PZP: variants seen among roughly 807,000 people sequenced by gnomAD.
The protein encoded by PZP is PZP alpha-2-macroglobulin like, also known as pregnancy zone protein.
Under a neutral mutation model 179.8 loss-of-function variants are expected in PZP, and 150 were observed. The ratio of observed to expected loss-of-function variants is 0.83; its 90% CI spans 0.73 to 0.96. The LOEUF is 0.96. Ranked by LOEUF, PZP falls within the 40% of genes least tolerant of loss-of-function variation. The probability of loss-of-function intolerance (pLI) is 0.00; values close to 1 mark genes in which losing one functional copy is unlikely to be tolerated. For missense variants in PZP, 1,689 were observed against 1,764.0 expected (o/e 0.96, Z 0.76); for synonymous variants, 624 against 652.3 (o/e 0.96, Z 0.66).
At chr12:9,179,265 C>A (rs1942598697) in intron 15 of PZP, among the ~76,000 whole-genome samples, 1 of 152,122 alleles carries the variant, frequency 6.6e-6, no homozygotes, top group East Asian at 1.9e-4. Context: ...CAATTATTAA[C>A]CAATGTTCAC....
intron 29 of PZP, among the ~76,000 whole-genome samples, chr12:9,154,015 A>C (rs971405086): frequency 6.6e-6 from 1 of 152,356 alleles, no homozygotes; most frequent in South Asian, 2.1e-4. Flanking sequence ...AAAGGAATGA[A>C]GAAGCTGAGT....
chr12:9,189,023 C>T (rs747480520), intron 13 of PZP, among the ~76,000 whole-genome samples: 6 of 152,008 alleles, frequency 3.9e-5, no homozygotes, highest in Non-Finnish European at 5.9e-5. Context: ...AAAAAATATT[C>T]CATGCTCATA....
chr12:9,137,931 G>A, the PZP span, among the ~76,000 whole-genome samples: 1 of 151,964 alleles, frequency 6.6e-6, no homozygotes, highest in Non-Finnish European at 1.5e-5. Flanking sequence ...GAGCCTTTGG[G>A]ATTTTTAATA....
intron 15 of PZP, among the ~76,000 whole-genome samples, chr12:9,175,688 C>A (rs750579983): frequency 6.6e-6 from 1 of 152,100 alleles, no homozygotes; most frequent in Non-Finnish European, 1.5e-5. Context: ...TACATACAGC[C>A]AACAAACATA....
chr12:9,191,356 GA>G (rs1943445594), intron 13 of PZP, among the ~76,000 whole-genome samples: 1 of 151,908 alleles, frequency 6.6e-6, no homozygotes, highest in African/African-American at 2.4e-5. Context: ...CTAGTATTGG[GA>G]AAAAACTGAT....
intron 7 of PZP, among the ~76,000 whole-genome samples, chr12:9,198,201 A>G (rs1460199359): frequency 6.6e-6 from 1 of 151,666 alleles, no homozygotes; most frequent in African/African-American, 2.4e-5. Flanking sequence ...TTTTAAAAAG[A>G]TTAGCTGGGT....
At chr12:9,173,055 A>G (rs968970719) in intron 15 of PZP, among the ~76,000 whole-genome samples, 8 of 152,254 alleles carry the variant, frequency 5.3e-5, no homozygotes, top group African/African-American at 1.9e-4. Context: ...CATTTACTCT[A>G]AAATTGGACA....
At chr12:9,157,908 G>A in intron 26 of PZP, 67 bp from the exon 27 acceptor site, 1 of 1,289,212 alleles carries the variant, frequency 7.8e-7, no homozygotes, top group Non-Finnish European at 1.1e-6. Flanking sequence ...TCTGTTGTTT[G>A]ATGGAAACGC....
In PZP at chr12:9,181,088, A is replaced by G. The variant is rs1009877687; in HGVS notation, c.1734T>C (p.His578=). 1 of 1,614,176 alleles carries G rather than the reference A, an allele frequency of 6.2e-7. No homozygotes were observed. The highest frequency in any genetic ancestry group is 8.5e-7 in the Non-Finnish European group (1 of 1,180,014). ...GAGCAGCTGCTACTTGCAGGTGGGCATGTGAGGCTGGGGGACTTTGTGCTG... is the reference window on the plus strand; with the variant it reads ...GAGCAGCTGCTACTTGCAGGTGGGCGTGTGAGGCTGGGGGACTTTGTGCTG... ...FSPAQSPPAS[H]AHLQVAAAPQ... is the part of the protein sequence containing the mutation. Residue 578 remains histidine (H), a synonymous_variant, in exon 15 of 36, where the codon CAT becomes CAC. Coordinates refer to ENST00000261336, the MANE Select transcript of PZP (RefSeq NM_002864.3).
At position 9,158,429 on chromosome 12, in the gene PZP, A is replaced by G. The variant is rs35040316; in HGVS notation, c.3285T>C (p.Asn1095=). The G allele has an allele frequency of 3.0e-3, 4,905 of 1,613,942 alleles. 134 individuals carry two copies. In the African/African-American group the frequency reaches 0.058, roughly 19 times the overall value. Residue 1095 remains asparagine (N), a synonymous_variant, in exon 26 of 36, where the codon AAT becomes AAC. Coordinates refer to ENST00000261336, the MANE Select transcript of PZP (RefSeq NM_002864.3). ...CFRSSGSLLN[N]AIKGGVEDEA... Reference sequence around the variant, plus strand: ...TTGTGGAACAGTTCACCTTTATGGCATTGTTGAGCAGTGACCCAGAGCTCC... The same window carrying G: ...TTGTGGAACAGTTCACCTTTATGGCGTTGTTGAGCAGTGACCCAGAGCTCC...
At chr12:9,206,175 A>G (rs1445401994) in intron 1 of PZP, among the ~76,000 whole-genome samples, 1 of 152,064 alleles carries the variant, frequency 6.6e-6, no homozygotes, top group Non-Finnish European at 1.5e-5. Flanking sequence ...CATAATAAAT[A>G]ATAAAAATGT....
chr12:9,166,335 A>G (rs1378905825), intron 17 of PZP, 133 bp from the exon 18 acceptor site: 5 of 819,110 alleles, frequency 6.1e-6, no homozygotes, highest in African/African-American at 1.8e-5. Context: ...AAGTTGTAGA[A>G]CTTGGGAAAT....
chr12:9,180,960 C>T, intron 15 of PZP, 23 bp downstream of exon 15: 1 of 1,605,880 alleles, frequency 6.2e-7, no homozygotes, highest in South Asian at 1.1e-5. Context: ...CCTTCCTGGT[C>T]CCCAAGGCCA....
intron 31 of PZP, among the ~76,000 whole-genome samples, chr12:9,152,562 T>A (rs1344260093): frequency 6.6e-6 from 1 of 152,188 alleles, no homozygotes; most frequent in Non-Finnish European, 1.5e-5. Context: ...TGGTAGTGAA[T>A]CTTGCTAATT....
At chr12:9,176,421 C>A (rs965705351) in intron 15 of PZP, among the ~76,000 whole-genome samples, 1 of 152,042 alleles carries the variant, frequency 6.6e-6, no homozygotes, top group Non-Finnish European at 1.5e-5. Flanking sequence ...ATGTAACAAC[C>A]CTTCACATTC....
Position 9,192,726 on chromosome 12 carries a change from TGC to T in PZP, c.1266_1267del (p.His423SerfsTer57). 6.2e-7 allele frequency: 1 copy of T among 1,610,074 alleles called. No homozygotes were observed. The highest frequency in any genetic ancestry group is 1.7e-5 in the Admixed American group (1 of 59,978). ...TGAATAGTGAAAACACAAGTTGGGA[TGC>T]ACAGTGAAAACCTGAGTAAACAGAA... On this transcript the variant is annotated frameshift_variant, in exon 12 of 36. Transcript: ENST00000261336. LOFTEE classifies it high-confidence loss of function.
chr12:9,197,475 AATAAT>A (rs997075821), intron 7 of PZP, among the ~76,000 whole-genome samples: 11 of 130,586 alleles, frequency 8.4e-5, no homozygotes, highest in African/African-American at 2.1e-4. Context: ...TATAATATAT[AATAAT>A]ATAATATATT....
In PZP at chr12:9,166,041, A is replaced by G. The variant is rs1458757875; in HGVS notation, c.2258+11T>C. ...CCCCTCCAGCAAATGGAGGAAAGTAAAGTTACTTACTTCACTGCCACCAAC... is the reference window on the plus strand; with the variant it reads ...CCCCTCCAGCAAATGGAGGAAAGTAGAGTTACTTACTTCACTGCCACCAAC... On this transcript the variant is annotated intron_variant, in intron 18 of 35. Coordinates refer to ENST00000261336, the MANE Select transcript of PZP (RefSeq NM_002864.3). 3 of 1,594,076 alleles carry G rather than the reference A, an allele frequency of 1.9e-6. No homozygotes were observed. The highest frequency in any genetic ancestry group is 1.1e-5 in the South Asian group (1 of 87,144).
At chr12:9,142,438 G>C in the PZP span, among the ~76,000 whole-genome samples, 1 of 152,144 alleles carries the variant, frequency 6.6e-6, no homozygotes, top group Non-Finnish European at 1.5e-5. Context: ...ATTAATAAAT[G>C]CAAACAAAAA....
Sources: allele counts gnomAD v4.1 joint callset (sites outside exome capture counted in the v4.1 genomes callset), GRCh38; gene constraint gnomAD v4.1.1; transcripts MANE v1.5; gene names NCBI Gene and HGNC (gene_info 2026-07-23, HGNC 2026-07-21).